MTMR7: variants seen among roughly 807,000 people sequenced by gnomAD.
MTMR7 encodes the protein myotubularin related protein 7.
A neutral mutation model predicts 81.2 loss-of-function variants in MTMR7; 76 were observed. The ratio of observed to expected loss-of-function variants is 0.94; its 90% CI spans 0.78 to 1.13. MTMR7 has a LOEUF of 1.13. Ranked by LOEUF, MTMR7 falls within the 50% of genes most tolerant of loss-of-function variation. The probability of loss-of-function intolerance (pLI) is 0.00; values close to 1 mark genes in which losing one functional copy is unlikely to be tolerated. For synonymous variants in MTMR7, 372 were observed against 289.8 expected (o/e 1.28, Z -2.88); for missense variants, 1,044 against 820.0 (o/e 1.27, Z -3.34).
chr8:17,320,418 A>C (rs1818323431), intron 7 of MTMR7, among the ~76,000 whole-genome samples: 1 of 151,982 alleles, frequency 6.6e-6, no homozygotes, highest in Non-Finnish European at 1.5e-5. Context: ...TTTTTTTGTA[A>C]GGTGGCAACA....
At chr8:17,362,003 C>T (rs1416699800) in intron 3 of MTMR7, among the ~76,000 whole-genome samples, 3 of 152,170 alleles carry the variant, frequency 2.0e-5, no homozygotes, top group Non-Finnish European at 2.9e-5. Context: ...AATAGCCCCA[C>T]TGTTTCCCTC....
At chr8:17,402,975 A>AT (rs757876740) in intron 1 of MTMR7, among the ~76,000 whole-genome samples, 22 of 152,062 alleles carry the variant, frequency 1.4e-4, no homozygotes, top group Non-Finnish European at 2.6e-4. Context: ...TGTACTTTTG[A>AT]TTTTCACTTC....
At chr8:17,406,879 T>G (rs182808350) in intron 1 of MTMR7, among the ~76,000 whole-genome samples, 1 of 152,140 alleles carries the variant, frequency 6.6e-6, no homozygotes, top group Non-Finnish European at 1.5e-5. Context: ...ACATATTGTA[T>G]GATTAAATTT....
intron 7 of MTMR7, among the ~76,000 whole-genome samples, chr8:17,315,138 CTGACAA>C (rs1167975889): frequency 6.6e-6 from 1 of 152,078 alleles, no homozygotes; most frequent in Non-Finnish European, 1.5e-5. Flanking sequence ...GTAGTATGTC[CTGACAA>C]TGAAATACTG....
intron 8 of MTMR7, 79 bp from the exon 9 acceptor site, chr8:17,311,715 C>G: frequency 6.3e-7 from 1 of 1,596,830 alleles, no homozygotes; most frequent in South Asian, 1.1e-5. Context: ...CCAGGTTTGA[C>G]TGTATATTTA....
At chr8:17,360,748 A>G (rs951011387) in intron 4 of MTMR7, among the ~76,000 whole-genome samples, 2 of 152,062 alleles carry the variant, frequency 1.3e-5, no homozygotes, top group Non-Finnish European at 2.9e-5. Flanking sequence ...AACTGCCTTC[A>G]GAGTCTCCCT....
rs149652077 is a variant in MTMR7, at chr8:17,379,043, C to G, written c.25-5803G>C. On this transcript the variant is annotated intron_variant, in intron 1 of 13. Transcript: ENST00000180173. ...AAAAGCACAGAAACAAAGAAATGGA[C>G]AGGCAGGAGGACAATCAGGAGATTC... Among the ~76,000 whole-genome samples, 953 of 152,254 alleles carry G rather than the reference C, an allele frequency of 6.3e-3. 12 individuals are homozygous for G. The highest frequency in any genetic ancestry group is 0.022 in the African/African-American group (911 of 41,562).
At chr8:17,405,575 A>G (rs1338250762) in intron 1 of MTMR7, among the ~76,000 whole-genome samples, 1 of 152,160 alleles carries the variant, frequency 6.6e-6, no homozygotes, top group African/African-American at 2.4e-5. Context: ...GCAAATAAAT[A>G]TGCCCTCTGC....
At chr8:17,326,077 C>T (rs146093796) in intron 7 of MTMR7, among the ~76,000 whole-genome samples, 9 of 152,262 alleles carry the variant, frequency 5.9e-5, no homozygotes, top group Admixed American at 3.9e-4. Context: ...TTCAAGTTTA[C>T]GCAGAGACTC....
chr8:17,365,095 T>C (rs2150560392), intron 3 of MTMR7, among the ~76,000 whole-genome samples: 1 of 152,232 alleles, frequency 6.6e-6, no homozygotes, highest in South Asian at 2.1e-4. Context: ...TCCATCTTTT[T>C]GGTAAAGGTC....
At chr8:17,383,867 C>T (rs1820840324) in intron 1 of MTMR7, among the ~76,000 whole-genome samples, 1 of 152,128 alleles carries the variant, frequency 6.6e-6, no homozygotes, top group Non-Finnish European at 1.5e-5. Flanking sequence ...AGGCCTCCTG[C>T]AGCTTTGGAG....
chr8:17,343,444 A>G (rs1819464961), intron 5 of MTMR7, among the ~76,000 whole-genome samples: 1 of 152,118 alleles, frequency 6.6e-6, no homozygotes, highest in Admixed American at 6.6e-5. Flanking sequence ...AAAAAGAAAT[A>G]TTAGTTAAGG....
Position 17,341,380 on chromosome 8 carries a change from C to T in MTMR7, c.715G>A (p.Val239Ile), listed in dbSNP as rs761845743. 2.7e-5 allele frequency: 43 copies of T among 1,614,010 alleles called. No homozygotes were observed. Among genetic ancestry groups the T allele is most frequent in the African/African-American group, 9.3e-5 (7 of 74,918 alleles). ...ACACTTACTTTAGGCCGGGTGTCAA[C>T]GACATAAACGAAGTCACTTCCTGGA... ...ANPGSDFVYVVDTRPKLNAMA... is the reference protein window; with the variant it reads ...ANPGSDFVYVIDTRPKLNAMA... The change falls in exon 6 of 14, where the codon GTT becomes ATT. Residue 239 changes from valine to isoleucine, a missense_variant. Coordinates refer to ENST00000180173, the MANE Select transcript of MTMR7 (RefSeq NM_004686.5).
chr8:17,394,698 G>C (rs1324770463), intron 1 of MTMR7, among the ~76,000 whole-genome samples: 1 of 152,164 alleles, frequency 6.6e-6, no homozygotes. Context: ...ATGTAAATAT[G>C]TTAGTTTTTT....
intron 1 of MTMR7, among the ~76,000 whole-genome samples, chr8:17,375,517 G>A (rs74434921): frequency 0.011 from 1,550 of 143,368 alleles, 35 homozygotes; most frequent in African/African-American, 0.037. Flanking sequence ...TTTTGTTACT[G>A]ATATGCTGCA....
rs1479430586 is a variant in MTMR7, at chr8:17,349,072, A to G, written c.478T>C (p.Ser160Pro). The change falls in exon 5 of 14, where the codon TCT (serine) becomes CCT (proline). Residue 160 changes from serine to proline, a missense_variant. Transcript: ENST00000180173. ...GGAACGTACAGTTCAGTAGGATAAG[A>G]GTCACAGACCTGTCACCAGAAAATA... ...DVNRDYRVCD[S>P]YPTELYVPKS... The G allele has an allele frequency of 6.2e-7, 1 of 1,611,826 alleles. No homozygotes were observed. The highest frequency in any genetic ancestry group is 1.3e-5 in the African/African-American group (1 of 74,120).
At chr8:17,366,516 AT>A (rs1186320785) in intron 3 of MTMR7, among the ~76,000 whole-genome samples, 1 of 152,048 alleles carries the variant, frequency 6.6e-6, no homozygotes, top group Non-Finnish European at 1.5e-5. Flanking sequence ...AGATGTGAGC[AT>A]TTTTTTTAAT....
chr8:17,368,615 C>A lies in MTMR7; in HGVS notation c.310+2422G>T, dbSNP rs1251371823. ...TCTAACCCCTTCCACATTTCCCCATCTCCCTCCAGAGTCAAAGTCCTGCTT... is the reference window on the plus strand; with the variant it reads ...TCTAACCCCTTCCACATTTCCCCATATCCCTCCAGAGTCAAAGTCCTGCTT... On this transcript the variant is annotated intron_variant, in intron 3 of 13. Transcript: ENST00000180173. Among the ~76,000 whole-genome samples the A allele has an allele frequency of 2.0e-5, 3 of 152,312 alleles. No individual in the cohort carries two copies. The East Asian group carries it at 5.8e-4, about 29-fold the overall frequency.
At chr8:17,323,074 A>T (rs7820343) in intron 7 of MTMR7, among the ~76,000 whole-genome samples, 385 of 150,062 alleles carry the variant, frequency 2.6e-3, no homozygotes, top group African/African-American at 8.8e-3. Flanking sequence ...CAGCCTCCTG[A>T]GTAGCTGGGA....
Sources: allele counts gnomAD v4.1 joint callset (sites outside exome capture counted in the v4.1 genomes callset), GRCh38; gene constraint gnomAD v4.1.1; transcripts MANE v1.5; gene names NCBI Gene and HGNC (gene_info 2026-07-23, HGNC 2026-07-21).